SLC35F3: variants seen among roughly 807,000 people sequenced by gnomAD.
SLC35F3 encodes the protein putative thiamine transporter SLC35F3.
Under a neutral mutation model 49.9 loss-of-function variants are expected in SLC35F3, and 25 were observed. The ratio of observed to expected loss-of-function variants is 0.50; its 90% CI spans 0.37 to 0.70. The LOEUF (loss-of-function observed/expected upper bound fraction) is 0.70, where lower values mean the gene tolerates loss of function less well. SLC35F3 is among the 30% of genes least tolerant of loss of function. The pLI is 0.00. For missense variants in SLC35F3, 525 were observed against 639.8 expected (o/e 0.82, Z 1.94); for synonymous variants, 275 against 265.4 (o/e 1.04, Z -0.35).
intron 3 of SLC35F3, among the ~76,000 whole-genome samples, chr1:234,247,650 G>A (rs1283533677): frequency 6.6e-6 from 1 of 152,070 alleles, no homozygotes; most frequent in African/African-American, 2.4e-5. Context: ...TTGTTTGGGG[G>A]GCTGGTTGGC....
chr1:234,278,122 G>C (rs1439214962), intron 3 of SLC35F3, among the ~76,000 whole-genome samples: 1 of 152,080 alleles, frequency 6.6e-6, no homozygotes, highest in African/African-American at 2.4e-5. Flanking sequence ...GAGCCTGGGG[G>C]TTGGAGGCTG....
intron 2 of SLC35F3, among the ~76,000 whole-genome samples, chr1:233,952,173 A>G (rs1288975534): frequency 2.0e-5 from 3 of 151,956 alleles, no homozygotes; most frequent in Non-Finnish European, 4.4e-5. Context: ...ATGAACTTGA[A>G]GATATAGTTT....
chr1:234,300,117 G>C (rs913700645), intron 3 of SLC35F3, among the ~76,000 whole-genome samples: 3 of 152,140 alleles, frequency 2.0e-5, no homozygotes, highest in Admixed American at 1.3e-4. Context: ...AGCTAAACAG[G>C]AATCACAATA....
chr1:234,114,207 A>G (rs908201089), intron 2 of SLC35F3, among the ~76,000 whole-genome samples: 1 of 152,240 alleles, frequency 6.6e-6, no homozygotes, highest in African/African-American at 2.4e-5. Flanking sequence ...TTCTTTGGAA[A>G]TTTATATCAT....
At chr1:234,236,692 C>G (rs1437692482) in intron 3 of SLC35F3, among the ~76,000 whole-genome samples, 1 of 151,800 alleles carries the variant, frequency 6.6e-6, no homozygotes, top group Non-Finnish European at 1.5e-5. Flanking sequence ...AGTTTCACTT[C>G]CAGTGTGAAT....
At chr1:234,133,129 G>GT (rs1240249100) in intron 2 of SLC35F3, among the ~76,000 whole-genome samples, 1 of 152,058 alleles carries the variant, frequency 6.6e-6, no homozygotes, top group African/African-American at 2.4e-5. Context: ...CTCTCCTTCA[G>GT]TTTTTTTCTT....
chr1:234,280,891 A>G (rs1668313836), intron 3 of SLC35F3, among the ~76,000 whole-genome samples: 1 of 151,878 alleles, frequency 6.6e-6, no homozygotes, highest in Non-Finnish European at 1.5e-5. Flanking sequence ...CTTACTCACT[A>G]CTCTGCCCTC....
At chr1:234,226,197 T>C (rs1282071223) in intron 2 of SLC35F3, among the ~76,000 whole-genome samples, 1 of 152,180 alleles carries the variant, frequency 6.6e-6, no homozygotes, top group East Asian at 1.9e-4. Flanking sequence ...ACAAATAAAA[T>C]AACTCTATAG....
chr1:234,295,342 A>G (rs1668574916), intron 3 of SLC35F3, among the ~76,000 whole-genome samples: 1 of 152,192 alleles, frequency 6.6e-6, no homozygotes, highest in Admixed American at 6.5e-5. Context: ...AGCTCATTGG[A>G]TACTGCATTG....
chr1:234,088,367 G>C (rs1198212569), intron 2 of SLC35F3, among the ~76,000 whole-genome samples: 3 of 152,000 alleles, frequency 2.0e-5, no homozygotes, highest in African/African-American at 7.2e-5. Context: ...ACAACCATGC[G>C]CAGCTAATTT....
At position 234,012,556 on chromosome 1, in the gene SLC35F3, T is replaced by G. The variant is rs528006177; in HGVS notation, c.283+106798T>G. On this transcript the variant is annotated intron_variant, in intron 2 of 7. Transcript: ENST00000366618. ...CTGGTTTATCGAGACTAGAGAATGG[T>G]GATGACTTTTACCAAGCATACTGCT... is the stretch of plus-strand genomic sequence containing the variant. Among the ~76,000 whole-genome samples the G allele has an allele frequency of 3.3e-5, 5 of 152,352 alleles. No individual in the cohort carries two copies. The South Asian group carries it at 1.0e-3, about 32-fold the overall frequency.
At chr1:234,315,163 G>A (rs1471045440) in intron 4 of SLC35F3, among the ~76,000 whole-genome samples, 1 of 152,112 alleles carries the variant, frequency 6.6e-6, no homozygotes, top group Non-Finnish European at 1.5e-5. Context: ...CAGACAGATT[G>A]GGCCAGGCAG....
chr1:233,986,957 C>A (rs1417060089), intron 2 of SLC35F3, among the ~76,000 whole-genome samples: 2 of 152,066 alleles, frequency 1.3e-5, no homozygotes, highest in Non-Finnish European at 2.9e-5. Flanking sequence ...TGTGTTCTTT[C>A]TGATTTTATT....
At chr1:234,156,609 C>G (rs1666156217) in intron 2 of SLC35F3, among the ~76,000 whole-genome samples, 1 of 152,094 alleles carries the variant, frequency 6.6e-6, no homozygotes, top group Non-Finnish European at 1.5e-5. Context: ...CTCTAAGGGC[C>G]TTAGGTGTAT....
intron 2 of SLC35F3, among the ~76,000 whole-genome samples, chr1:234,030,990 G>T (rs1664054157): frequency 6.6e-6 from 1 of 152,156 alleles, no homozygotes; most frequent in Non-Finnish European, 1.5e-5. Flanking sequence ...TTAAATCAGG[G>T]TTGTTGCTTT....
At chr1:234,184,642 G>A (rs1340768050) in intron 2 of SLC35F3, among the ~76,000 whole-genome samples, 1 of 152,140 alleles carries the variant, frequency 6.6e-6, no homozygotes, top group African/African-American at 2.4e-5. Flanking sequence ...AGCCCATCCT[G>A]GCTCTGGGAT....
At chr1:234,096,992 C>T (rs932126622) in intron 2 of SLC35F3, among the ~76,000 whole-genome samples, 5 of 151,170 alleles carry the variant, frequency 3.3e-5, no homozygotes, top group African/African-American at 1.2e-4. Flanking sequence ...TGGGTTCAAG[C>T]GATTCTCCTG....
chr1:233,915,045 T>G (rs1187168624), intron 2 of SLC35F3, among the ~76,000 whole-genome samples: 1 of 152,240 alleles, frequency 6.6e-6, no homozygotes, highest in African/African-American at 2.4e-5. Flanking sequence ...TGTTAAAGGC[T>G]ACAGGCTGTT....
At chr1:234,134,082 A>G (rs1031477291) in intron 2 of SLC35F3, among the ~76,000 whole-genome samples, 1 of 152,206 alleles carries the variant, frequency 6.6e-6, no homozygotes, top group East Asian at 1.9e-4. Flanking sequence ...TTTTCAGATC[A>G]TGGAGAGCTT....
Sources: gnomAD v4.1 joint callset for allele counts (sites outside exome capture counted in the v4.1 genomes callset) on GRCh38, gnomAD v4.1.1 for gene constraint, MANE v1.5 for transcripts, NCBI Gene and HGNC (gene_info 2026-07-23, HGNC 2026-07-21) for gene names.